MICU2: variants seen among roughly 807,000 people sequenced by gnomAD.
MICU2 encodes mitochondrial calcium uptake 2.
A neutral mutation model predicts 60.4 loss-of-function variants in MICU2; 64 were observed. That is an observed-to-expected ratio of 1.06 (90% CI 0.87 to 1.31). The LOEUF (loss-of-function observed/expected upper bound fraction) is 1.31, where lower values mean the gene tolerates loss of function less well. Ranked by LOEUF, MICU2 falls within the 50% of genes most tolerant of loss-of-function variation. The probability of loss-of-function intolerance (pLI) is 0.00; values close to 1 mark genes in which losing one functional copy is unlikely to be tolerated. For synonymous variants in MICU2, 201 were observed against 175.0 expected (o/e 1.15, Z -1.17); for missense variants, 569 against 531.0 (o/e 1.07, Z -0.70).
At chr13:21,561,280 G>A (rs1887833905) in intron 2 of MICU2, among the ~76,000 whole-genome samples, 1 of 152,110 alleles carries the variant, frequency 6.6e-6, no homozygotes, top group Admixed American at 6.5e-5. Flanking sequence ...ATCGTTAGGT[G>A]AAATATCCTA....
intron 8 of MICU2, among the ~76,000 whole-genome samples, chr13:21,508,108 C>T: frequency 6.6e-6 from 1 of 150,850 alleles, no homozygotes; most frequent in East Asian, 2.0e-4. Flanking sequence ...TGCCACTACA[C>T]TAGTTCAAGG....
chr13:21,575,381 T>C (rs1230808434), intron 1 of MICU2, among the ~76,000 whole-genome samples: 5 of 150,896 alleles, frequency 3.3e-5, no homozygotes, highest in African/African-American at 1.2e-4. Flanking sequence ...TATTTCTGTC[T>C]CTGTTTGAAA....
At chr13:21,584,911 A>G (rs1309599027) in intron 1 of MICU2, among the ~76,000 whole-genome samples, 1 of 152,232 alleles carries the variant, frequency 6.6e-6, no homozygotes, top group African/African-American at 2.4e-5. Flanking sequence ...TAGCTACTAA[A>G]ACACATGGTT....
chr13:21,596,893 A>T (rs1426420229), intron 1 of MICU2, among the ~76,000 whole-genome samples: 1 of 152,244 alleles, frequency 6.6e-6, no homozygotes, highest in Non-Finnish European at 1.5e-5. Flanking sequence ...CTAAAATGCA[A>T]AAATAGTTTA....
intron 8 of MICU2, among the ~76,000 whole-genome samples, chr13:21,504,773 C>A (rs1462883845): frequency 6.6e-6 from 1 of 152,120 alleles, no homozygotes; most frequent in African/African-American, 2.4e-5. Flanking sequence ...GTGAGTCTAT[C>A]ATGCATGTCT....
intron 9 of MICU2, among the ~76,000 whole-genome samples, chr13:21,498,366 A>ATT (rs1886053631): frequency 1.1e-5 from 1 of 93,868 alleles, no homozygotes; most frequent in Admixed American, 1.4e-4. Context: ...GAAATATCCT[A>ATT]TTCTTTTTTT....
intron 1 of MICU2, among the ~76,000 whole-genome samples, chr13:21,568,562 C>T (rs899357942): frequency 1.3e-5 from 2 of 152,184 alleles, no homozygotes; most frequent in African/African-American, 4.8e-5. Context: ...GGCAAATATA[C>T]ATGTTTTCAA....
intron 8 of MICU2, among the ~76,000 whole-genome samples, chr13:21,504,042 CT>C (rs1886239489): frequency 6.6e-6 from 1 of 152,120 alleles, no homozygotes; most frequent in African/African-American, 2.4e-5. Context: ...TGATCTTAGA[CT>C]TCTGTCTACA....
chr13:21,517,948 A>G (rs1349868018), intron 6 of MICU2, among the ~76,000 whole-genome samples: 1 of 152,172 alleles, frequency 6.6e-6, no homozygotes, highest in Non-Finnish European at 1.5e-5. Context: ...ATCACGCTCT[A>G]TGGGTAATCA....
At chr13:21,578,955 C>T (rs1254794783) in intron 1 of MICU2, among the ~76,000 whole-genome samples, 4 of 152,184 alleles carry the variant, frequency 2.6e-5, no homozygotes, top group East Asian at 1.9e-4. Flanking sequence ...AACTGGATTA[C>T]ACCAGCTGCT....
At chr13:21,602,377 C>G (rs1431206940) in intron 1 of MICU2, among the ~76,000 whole-genome samples, 1 of 152,098 alleles carries the variant, frequency 6.6e-6, no homozygotes, top group African/African-American at 2.4e-5. Context: ...AAAAAATTAG[C>G]CGGGCGCGAT....
chr13:21,578,819 C>T (rs898815994), intron 1 of MICU2, among the ~76,000 whole-genome samples: 8 of 152,052 alleles, frequency 5.3e-5, no homozygotes, highest in Admixed American at 1.3e-4. Context: ...TTAAAAATGC[C>T]TTTGTAACAA....
chr13:21,508,729 C>T (rs1016764913), intron 8 of MICU2, among the ~76,000 whole-genome samples: 7 of 152,174 alleles, frequency 4.6e-5, no homozygotes, highest in African/African-American at 1.7e-4. Flanking sequence ...CGTCTTTGCT[C>T]TTGCTGTGTT....
chr13:21,520,402 C>T (rs1182726894), intron 6 of MICU2, among the ~76,000 whole-genome samples: 1 of 152,138 alleles, frequency 6.6e-6, no homozygotes, highest in East Asian at 1.9e-4. Context: ...ATTTTATTCC[C>T]ACCAGCAATG....
chr13:21,500,438 T>G (rs1049231885), intron 9 of MICU2, among the ~76,000 whole-genome samples: 38 of 149,788 alleles, frequency 2.5e-4, no homozygotes, highest in South Asian at 1.1e-3. Flanking sequence ...TTTTTTTTTT[T>G]TTTTTTTTTT....
intron 2 of MICU2, among the ~76,000 whole-genome samples, chr13:21,558,129 T>A (rs1032561981): frequency 2.0e-5 from 3 of 152,232 alleles, no homozygotes; most frequent in African/African-American, 7.2e-5. Context: ...GTTACTGCTA[T>A]CTGCTTATTT....
intron 2 of MICU2, among the ~76,000 whole-genome samples, chr13:21,554,337 A>C (rs1260057008): frequency 6.6e-6 from 1 of 152,234 alleles, no homozygotes; most frequent in East Asian, 1.9e-4. Context: ...ACTGTCTCTC[A>C]GATCACAGTG....
At chr13:21,517,014 A>G (rs1199950) in intron 6 of MICU2, among the ~76,000 whole-genome samples, 75,835 of 151,954 alleles carry the variant, frequency 0.5, 19,029 homozygotes, top group Middle Eastern at 0.56. Context: ...TAAAGATTAA[A>G]TGGATTAACC....
At chr13:21,566,678 A>C in intron 2 of MICU2, 119 bp downstream of exon 2, 1 of 796,366 alleles carries the variant, frequency 1.3e-6, no homozygotes, top group Admixed American at 3.3e-5. Context: ...TAAATAAGCA[A>C]ATGCATGGTA....
Sources: allele counts gnomAD v4.1 joint callset (sites outside exome capture counted in the v4.1 genomes callset), GRCh38; gene constraint gnomAD v4.1.1; transcripts MANE v1.5; gene names NCBI Gene and HGNC (gene_info 2026-07-23, HGNC 2026-07-21).